SPATS2: variants seen among roughly 807,000 people sequenced by gnomAD.
SPATS2 encodes spermatogenesis associated serine rich 2.
Under a neutral mutation model 63.7 loss-of-function variants are expected in SPATS2, and 38 were observed. The observed-to-expected ratio is 0.60, with a 90% CI of 0.46 to 0.78. SPATS2 has a LOEUF of 0.78. SPATS2 is among the 30% of genes least tolerant of loss of function. The pLI, the probability that SPATS2 is intolerant of heterozygous loss-of-function variation, is 0.00. For synonymous variants in SPATS2, 207 were observed against 232.9 expected (o/e 0.89, Z 1.01); for missense variants, 588 against 666.2 (o/e 0.88, Z 1.29).
intron 7 of SPATS2, 92 bp downstream of exon 7, chr12:49,495,094 C>A: frequency 7.6e-7 from 1 of 1,322,648 alleles, no homozygotes; most frequent in Non-Finnish European, 1.0e-6. Context: ...TCTAGTTAGT[C>A]TTTTTTTATC....
intron 9 of SPATS2, among the ~76,000 whole-genome samples, chr12:49,505,691 C>G (rs1417848524): frequency 6.6e-6 from 1 of 151,854 alleles, no homozygotes; most frequent in Non-Finnish European, 1.5e-5. Context: ...TTTTTTAATC[C>G]TGATTTCTTT....
chr12:49,389,880 AAAATAATGAAGTT>A (rs1242141737), intron 2 of SPATS2: 14 of 829,028 alleles, frequency 1.7e-5, no homozygotes, highest in Non-Finnish European at 2.8e-5. Flanking sequence ...TGATCCGGGA[AAAATAATGAAGTT>A]AACAAAAGCA....
intron 2 of SPATS2, among the ~76,000 whole-genome samples, chr12:49,386,636 G>A (rs1409132350): frequency 6.6e-6 from 1 of 152,176 alleles, no homozygotes; most frequent in Non-Finnish European, 1.5e-5. Context: ...TGTATGCAAG[G>A]GAGTGGTATA....
chr12:49,451,297 T>C (rs1945618929), intron 2 of SPATS2, among the ~76,000 whole-genome samples: 1 of 152,200 alleles, frequency 6.6e-6, no homozygotes, highest in Non-Finnish European at 1.5e-5. Context: ...CTTTTGTTTT[T>C]ACTATTTTTC....
Position 49,524,706 on chromosome 12 carries a change from C to A in SPATS2, c.1136C>A (p.Ser379Ter). 6.2e-7 allele frequency: 1 copy of A among 1,614,152 alleles called. No individual in the cohort carries two copies. Among genetic ancestry groups the A allele is most frequent in the Non-Finnish European group, 8.5e-7 (1 of 1,180,022 alleles). The change falls in exon 13 of 14, where the codon TCG becomes TAG. Residue 379 changes from serine to a stop codon, truncating the protein, a stop_gained. Coordinates refer to ENST00000552918, the MANE Select transcript of SPATS2 (RefSeq NM_023071.4). LOFTEE classifies it high-confidence loss of function. ...GQVSHPKNSY[S>*]TRSRCSSVTS... ...GTGTCTCATCCAAAGAACAGCTATT[C>A]GACCAGATCCCGATGTAGCTCAGTT...
intron 2 of SPATS2, among the ~76,000 whole-genome samples, chr12:49,408,067 A>C (rs556182270): frequency 6.6e-6 from 1 of 152,226 alleles, no homozygotes; most frequent in Non-Finnish European, 1.5e-5. Flanking sequence ...GTAAAATGCT[A>C]TATGAGTTAA....
intron 2 of SPATS2, among the ~76,000 whole-genome samples, chr12:49,414,153 A>G (rs532449894): frequency 6.6e-6 from 1 of 152,290 alleles, no homozygotes; most frequent in East Asian, 1.9e-4. Flanking sequence ...TTAGTCCAAG[A>G]TGACAGTGTT....
At chr12:49,475,030 T>G (rs1342427083) in intron 3 of SPATS2, among the ~76,000 whole-genome samples, 2 of 152,168 alleles carry the variant, frequency 1.3e-5, no homozygotes, top group Non-Finnish European at 1.5e-5. Context: ...AGGAAAGACC[T>G]GCACCCATGA....
intron 2 of SPATS2, among the ~76,000 whole-genome samples, chr12:49,450,281 G>A (rs369343693): frequency 1.1e-4 from 16 of 151,202 alleles, no homozygotes; most frequent in East Asian, 7.8e-4. Flanking sequence ...ATGGAGTCTC[G>A]CTCTTTTGCC....
chr12:49,514,838 G>T (rs1463072347), intron 10 of SPATS2, among the ~76,000 whole-genome samples: 1 of 152,194 alleles, frequency 6.6e-6, no homozygotes, highest in Non-Finnish European at 1.5e-5. Context: ...TGAATGCAGA[G>T]TTCAGTGTAT....
chr12:49,446,946 T>TC (rs1024896055), intron 2 of SPATS2, among the ~76,000 whole-genome samples: 15 of 151,664 alleles, frequency 9.9e-5, no homozygotes, highest in African/African-American at 3.6e-4. Context: ...TTTTTTTTTT[T>TC]GAGACACAGT....
rs774559578 is a variant in SPATS2 at position 49,375,178 on chromosome 12, GTGTGTGTGTGTGTGT to G, written c.-244+3889_-244+3903del. ...TGTGTGTGTGTGTGTGTGTGTGTGT[GTGTGTGTGTGTGTGT>G]GTGGTGGTAGTGGTCTTTAGAATTT... On this transcript the variant is annotated intron_variant, in intron 2 of 13. Transcript: ENST00000552918. Among the ~76,000 whole-genome samples the G allele has an allele frequency of 4.6e-3, 622 of 136,548 alleles. 8 individuals are homozygous for G. The highest frequency in any genetic ancestry group is 0.014 in the African/African-American group (450 of 32,292). The allele number at this position is 136,548 out of a possible 152,430, so 89.6% of individuals were successfully genotyped here. A position where few individuals can be genotyped will look rare whatever the true frequency, so the allele number is the denominator to read the frequency against.
chr12:49,367,446 G>A (rs1943917736), upstream of SPATS2: 2 of 400,828 alleles, frequency 5.0e-6, no homozygotes, highest in South Asian at 1.3e-4. Context: ...TGAGAGAGCT[G>A]GGGGAGGAGC....
intron 2 of SPATS2, among the ~76,000 whole-genome samples, chr12:49,437,056 C>G (rs1212171032): frequency 6.6e-6 from 1 of 151,988 alleles, no homozygotes. Context: ...GGTGGAGACG[C>G]TCCTCACTTC....
intron 3 of SPATS2, among the ~76,000 whole-genome samples, chr12:49,471,361 C>A (rs1946030899): frequency 2.0e-5 from 3 of 152,136 alleles, no homozygotes; most frequent in Non-Finnish European, 1.5e-5. Context: ...TCTTTTGAGA[C>A]AGAGCCTTGC....
At chr12:49,472,096 C>G (rs186792800) in intron 3 of SPATS2, among the ~76,000 whole-genome samples, 18 of 152,094 alleles carry the variant, frequency 1.2e-4, no homozygotes, top group African/African-American at 4.3e-4. Flanking sequence ...CAAGGTTGCG[C>G]CAGTGCACTC....
intron 2 of SPATS2, among the ~76,000 whole-genome samples, chr12:49,441,970 C>G (rs1420695295): frequency 6.6e-6 from 1 of 152,080 alleles, no homozygotes; most frequent in Non-Finnish European, 1.5e-5. Flanking sequence ...AGAGCCATGA[C>G]CAGGAGTGGT....
At chr12:49,453,672 G>A (rs1345034521) in intron 2 of SPATS2, among the ~76,000 whole-genome samples, 1 of 151,850 alleles carries the variant, frequency 6.6e-6, no homozygotes, top group Non-Finnish European at 1.5e-5. Flanking sequence ...AGTTAGCTGG[G>A]TGTGGTGGTA....
chr12:49,436,508 G>A (rs1432307715), intron 2 of SPATS2, among the ~76,000 whole-genome samples: 4 of 132,420 alleles, frequency 3.0e-5, no homozygotes, highest in East Asian at 2.2e-4. Context: ...CGGACGGGGC[G>A]GCTGGCCGGG....
Sources: gnomAD v4.1 joint callset for allele counts (sites outside exome capture counted in the v4.1 genomes callset) on GRCh38, gnomAD v4.1.1 for gene constraint, MANE v1.5 for transcripts, NCBI Gene and HGNC (gene_info 2026-07-23, HGNC 2026-07-21) for gene names.